ADAM9: variants seen among roughly 807,000 people sequenced by gnomAD.
ADAM9 encodes ADAM metallopeptidase domain 9, also known as disintegrin and metalloproteinase domain-containing protein 9.
Under a neutral mutation model 108.1 loss-of-function variants are expected in ADAM9, and 54 were observed. The observed-to-expected ratio is 0.50, with a 90% CI of 0.40 to 0.63. The LOEUF is 0.63. Ranked by LOEUF, ADAM9 falls within the 20% of genes least tolerant of loss-of-function variation. ADAM9 has a pLI of 0.00. For synonymous variants in ADAM9, 316 were observed against 336.0 expected, an observed-to-expected ratio of 0.94 and a Z score of 0.65; for missense variants, 830 against 997.7, an observed-to-expected ratio of 0.83 and a Z score of 2.26.
At chr8:39,018,407 G>A (rs1355233536) in intron 6 of ADAM9, among the ~76,000 whole-genome samples, 2 of 152,000 alleles carry the variant, frequency 1.3e-5, no homozygotes, top group Non-Finnish European at 2.9e-5. Flanking sequence ...TTCTGCTCTG[G>A]GATATTAGTG....
At chr8:39,086,972 C>T (rs1403686050) in intron 18 of ADAM9, among the ~76,000 whole-genome samples, 1 of 152,184 alleles carries the variant, frequency 6.6e-6, no homozygotes, top group Admixed American at 6.5e-5. Context: ...CTTATTTCCA[C>T]CAATCTTTTC....
chr8:39,055,807 T>C, intron 14 of ADAM9, 35 bp downstream of exon 14: 1 of 1,578,630 alleles, frequency 6.3e-7, no homozygotes, highest in Non-Finnish European at 8.7e-7. Flanking sequence ...ATTGCTTCGA[T>C]ATTATTTATT....
At position 39,027,272 on chromosome 8, in the gene ADAM9, A is replaced by G. The variant is rs557836731; in HGVS notation, c.1130+462A>G. On this transcript the variant is annotated intron_variant, in intron 11 of 21. Transcript: ENST00000487273. Reference sequence around the variant, plus strand: ...AAACCTCTTTTTGAGAAAGTGCTGCATTGTCACTGTAGGTAGAAGAGATCC... The same window carrying G: ...AAACCTCTTTTTGAGAAAGTGCTGCGTTGTCACTGTAGGTAGAAGAGATCC... Among the ~76,000 whole-genome samples the G allele has an allele frequency of 3.3e-5, 5 of 152,362 alleles. No individual in the cohort carries two copies. The East Asian group carries it at 7.7e-4, about 23-fold the overall frequency.
At chr8:39,079,350 T>A (rs1185270666) in intron 16 of ADAM9, among the ~76,000 whole-genome samples, 1 of 152,042 alleles carries the variant, frequency 6.6e-6, no homozygotes, top group Non-Finnish European at 1.5e-5. Flanking sequence ...CAAGCGATTC[T>A]CCCTCCTCAG....
At chr8:39,015,947 G>A (rs1246503684) in intron 4 of ADAM9, 171 bp from the exon 5 acceptor site, 6 of 638,280 alleles carry the variant, frequency 9.4e-6, no homozygotes, top group East Asian at 2.8e-5. Context: ...GAGATAGTCC[G>A]CAGATGGTCT....
At chr8:39,078,830 TTATC>T (rs1329927972) in intron 16 of ADAM9, among the ~76,000 whole-genome samples, 4 of 152,180 alleles carry the variant, frequency 2.6e-5, no homozygotes, top group African/African-American at 9.7e-5. Flanking sequence ...ATTTCTAGAT[TTATC>T]TATTTTAGAC....
chr8:39,051,812 A>G (rs921143685), intron 12 of ADAM9, among the ~76,000 whole-genome samples: 1 of 152,200 alleles, frequency 6.6e-6, no homozygotes, highest in African/African-American at 2.4e-5. Context: ...TAGTATTCCA[A>G]TACAAGGATT....
chr8:39,049,730 C>T (rs534836031), intron 12 of ADAM9, among the ~76,000 whole-genome samples: 35 of 152,264 alleles, frequency 2.3e-4, no homozygotes, highest in Non-Finnish European at 3.8e-4. Context: ...TGAGCCACTG[C>T]GCCCGGCCTA....
Position 39,103,881 on chromosome 8 carries a change from A to C in ADAM9, c.*181A>C. ...GTGTGAGAGTTGTGAAATACAAGGAAATGCAGTAAAGCCAGGGAATTTACA... is the reference window on the plus strand; with the variant it reads ...GTGTGAGAGTTGTGAAATACAAGGACATGCAGTAAAGCCAGGGAATTTACA... On this transcript the variant is annotated 3_prime_UTR_variant, in exon 22 of 22. Coordinates refer to ENST00000487273, the MANE Select transcript of ADAM9 (RefSeq NM_003816.3). 1.4e-6 allele frequency: 1 copy of C among 709,230 alleles called. No individual in the cohort carries two copies. The highest frequency in any genetic ancestry group is 2.5e-6 in the Non-Finnish European group (1 of 393,666). The allele number at this position is 709,230 out of a possible 1,614,324, so 43.9% of individuals were successfully genotyped here.
At chr8:39,091,907 G>A (rs576750035) in intron 20 of ADAM9, among the ~76,000 whole-genome samples, 1 of 152,198 alleles carries the variant, frequency 6.6e-6, no homozygotes, top group Non-Finnish European at 1.5e-5. Flanking sequence ...TGGGACGTAT[G>A]CTATCACTGC....
chr8:39,074,417 C>T (rs369449500), intron 15 of ADAM9, among the ~76,000 whole-genome samples: 2 of 152,014 alleles, frequency 1.3e-5, no homozygotes, highest in African/African-American at 4.8e-5. Context: ...ACCAATATAT[C>T]CCAGACCAAG....
intron 1 of ADAM9, among the ~76,000 whole-genome samples, chr8:38,999,755 AC>A (rs914990158): frequency 1.6e-4 from 24 of 152,228 alleles, no homozygotes; most frequent in African/African-American, 5.8e-4. Flanking sequence ...GCTTTAACTT[AC>A]CAAATTTATA....
chr8:39,083,928 T>C (rs1169458348), intron 18 of ADAM9, among the ~76,000 whole-genome samples: 1 of 152,176 alleles, frequency 6.6e-6, no homozygotes, highest in Admixed American at 6.5e-5. Context: ...GCTATACCAG[T>C]TTACATCCTT....
rs1280470721 is a variant in ADAM9, at chr8:39,045,114, A to C, written c.1302+2997A>C. On this transcript the variant is annotated intron_variant, in intron 12 of 21. Transcript: ENST00000487273. ...TACATATGTGTGTGTGCATACATAC[A>C]TATGTGTGTGTGCATACATACATAT... is the stretch of plus-strand genomic sequence containing the variant. Among the ~76,000 whole-genome samples the C allele has an allele frequency of 1.4e-3, 20 of 14,230 alleles. 3 individuals carry two copies. Among genetic ancestry groups the C allele is most frequent in the African/African-American group, 7.7e-3 (18 of 2,350 alleles). The allele number at this position is 14,230 out of a possible 152,430, so 9.3% of individuals were successfully genotyped here.
chr8:39,045,514 A>G (rs561830099), intron 12 of ADAM9, among the ~76,000 whole-genome samples: 1 of 74,446 alleles, frequency 1.3e-5, no homozygotes, highest in African/African-American at 4.5e-5. Context: ...GTGTGTGTAC[A>G]TACATATATA....
Position 39,034,729 on chromosome 8 carries a change from T to A in ADAM9, c.1131-7217T>A, listed in dbSNP as rs1837213019. On this transcript the variant is annotated intron_variant, in intron 11 of 21. Transcript: ENST00000487273. ...TTTGCTTTCCATGTTGTTGTTGAGA[T>A]GTCAAGGTGTCAGACCATTATTCCA... is the stretch of plus-strand genomic sequence containing the variant. 2.6e-5 allele frequency among the ~76,000 whole-genome samples: 4 copies of A among 152,330 alleles called. No homozygotes were observed. In the South Asian group the frequency reaches 8.3e-4, roughly 32 times the overall value.
intron 7 of ADAM9, among the ~76,000 whole-genome samples, chr8:39,019,533 A>T (rs1836664973): frequency 6.6e-6 from 1 of 152,164 alleles, no homozygotes; most frequent in Non-Finnish European, 1.5e-5. Flanking sequence ...ATTTATTTTC[A>T]TGTTGCTTTT....
intron 2 of ADAM9, among the ~76,000 whole-genome samples, chr8:39,010,180 G>A (rs1241770228): frequency 6.6e-6 from 1 of 151,984 alleles, no homozygotes; most frequent in African/African-American, 2.4e-5. Context: ...CAGATACTTG[G>A]GGGAGGAGTA....
At chr8:39,032,112 GGCT>G (rs1837114519) in intron 11 of ADAM9, among the ~76,000 whole-genome samples, 1 of 152,258 alleles carries the variant, frequency 6.6e-6, no homozygotes, top group East Asian at 1.9e-4. Context: ...CTCCCAGTTA[GGCT>G]ACATGGGTGT....
Sources: allele counts gnomAD v4.1 joint callset (sites outside exome capture counted in the v4.1 genomes callset), GRCh38; gene constraint gnomAD v4.1.1; transcripts MANE v1.5; gene names NCBI Gene and HGNC (gene_info 2026-07-23, HGNC 2026-07-21).